Variants in BTBD10 observed in about 807,000 individuals in gnomAD.
BTBD10 encodes BTB/POZ domain-containing protein 10.
In BTBD10, 21 loss-of-function variants were observed where a neutral mutation model predicts 53.2. The ratio of observed to expected loss-of-function variants is 0.39; its 90% CI spans 0.28 to 0.57. The LOEUF (loss-of-function observed/expected upper bound fraction) is 0.57, where lower values mean the gene tolerates loss of function less well. Ranked by LOEUF, BTBD10 falls within the 20% of genes least tolerant of loss-of-function variation. The probability of loss-of-function intolerance (pLI) is 0.53; values close to 1 mark genes in which losing one functional copy is unlikely to be tolerated. For synonymous variants in BTBD10, 149 were observed against 192.7 expected, an observed-to-expected ratio of 0.77 and a Z score of 1.88; for missense variants, 360 against 594.7, an observed-to-expected ratio of 0.61 and a Z score of 4.10.
intron 2 of BTBD10, 58 bp from the exon 3 acceptor site, chr11:13,421,896 T>G: frequency 7.2e-7 from 1 of 1,396,734 alleles, no homozygotes; most frequent in Non-Finnish European, 9.6e-7. Flanking sequence ...TGGAAACATT[T>G]TAAAAGAAAC....
At chr11:13,438,972 T>C (rs1357484148) in intron 2 of BTBD10, among the ~76,000 whole-genome samples, 1 of 152,006 alleles carries the variant, frequency 6.6e-6, no homozygotes, top group Admixed American at 6.6e-5. Flanking sequence ...AACAGAACTA[T>C]ATAAATAAGT....
intron 2 of BTBD10, among the ~76,000 whole-genome samples, chr11:13,435,240 G>T (rs975868512): frequency 5.3e-5 from 8 of 152,012 alleles, no homozygotes; most frequent in African/African-American, 1.9e-4. Flanking sequence ...GGTTGCACAG[G>T]TTTATTGTGT....
At chr11:13,401,567 G>A (rs1042196988) in intron 8 of BTBD10, among the ~76,000 whole-genome samples, 1 of 152,174 alleles carries the variant, frequency 6.6e-6, no homozygotes, top group African/African-American at 2.4e-5. Context: ...TGTAGAGAAA[G>A]AGGAAGTAGA....
chr11:13,397,915 T>A (rs1449458781), intron 8 of BTBD10, among the ~76,000 whole-genome samples: 1 of 152,240 alleles, frequency 6.6e-6, no homozygotes, highest in African/African-American at 2.4e-5. Context: ...GACAGTTTGT[T>A]ATAATTTCTG....
At chr11:13,438,703 T>C (rs1006397374) in intron 2 of BTBD10, among the ~76,000 whole-genome samples, 1 of 151,998 alleles carries the variant, frequency 6.6e-6, no homozygotes, top group African/African-American at 2.4e-5. Context: ...TTTTTCTTTT[T>C]ATAATAGAAA....
chr11:13,412,285 C>G (rs1330832081), intron 6 of BTBD10, among the ~76,000 whole-genome samples: 1 of 152,088 alleles, frequency 6.6e-6, no homozygotes, highest in African/African-American at 2.4e-5. Context: ...GAAACCCTGT[C>G]TCTATTAAAA....
At chr11:13,418,730 A>C (rs1300063322) in intron 4 of BTBD10, among the ~76,000 whole-genome samples, 1 of 152,168 alleles carries the variant, frequency 6.6e-6, no homozygotes, top group African/African-American at 2.4e-5. Context: ...TTTTTATCTC[A>C]TGTAAACTTC....
rs371318668 is a variant in BTBD10 at position 13,438,530 on chromosome 11, A to G, written c.101+6494T>C. ...CTATGTAATCCTTTAAAATTATGCAATAGAAGATCACTTCATGACTAAAGG... is the reference window on the plus strand; with the variant it reads ...CTATGTAATCCTTTAAAATTATGCAGTAGAAGATCACTTCATGACTAAAGG... On this transcript the variant is annotated intron_variant, in intron 2 of 8. Coordinates refer to ENST00000278174, the MANE Select transcript of BTBD10 (RefSeq NM_032320.7). Among the ~76,000 whole-genome samples the G allele has an allele frequency of 3.5e-4, 53 of 152,148 alleles. 3 individuals carry two copies. In the South Asian group the frequency reaches 7.5e-3, roughly 21 times the overall value.
chr11:13,445,329 A>T, intron 1 of BTBD10, 148 bp from the exon 2 acceptor site: 1 of 401,994 alleles, frequency 2.5e-6, no homozygotes, highest in Non-Finnish European at 4.4e-6. Flanking sequence ...CACAAATCAA[A>T]TTAAAATAAA....
intron 1 of BTBD10, among the ~76,000 whole-genome samples, chr11:13,456,397 A>C (rs1490884817): frequency 6.6e-6 from 1 of 152,170 alleles, no homozygotes; most frequent in Non-Finnish European, 1.5e-5. Context: ...CATGAAACTG[A>C]ATTCGTACCT....
chr11:13,462,174 C>T (rs1054530879), intron 1 of BTBD10, among the ~76,000 whole-genome samples: 3 of 152,002 alleles, frequency 2.0e-5, no homozygotes, highest in African/African-American at 7.2e-5. Flanking sequence ...AACCCCCTCT[C>T]TAAAAGATTT....
At position 13,413,575 on chromosome 11, in the gene BTBD10, G is replaced by T; in HGVS notation, c.763C>A (p.Leu255Ile). ...GTGCTATATTCAAAAGAGATACAAAGATAGTCACATGCTTCTCTCAGTTCA... is the reference window on the plus strand; with the variant it reads ...GTGCTATATTCAAAAGAGATACAAATATAGTCACATGCTTCTCTCAGTTCA... ...IPELREACDY[L>I]CISFEYSTIK... The change falls in exon 6 of 9, where the codon CTT becomes ATT. Residue 255 changes from leucine (L) to isoleucine (I), a missense_variant. This residue lies in a region of BTBD10 where 91 missense variants were observed against 171.7 expected (regional missense o/e 0.53). Coordinates refer to ENST00000278174, the MANE Select transcript of BTBD10 (RefSeq NM_032320.7). The T allele has an allele frequency of 6.2e-7, 1 of 1,610,052 alleles. No homozygotes were observed.
At chr11:13,454,708 A>C (rs1183146994) in intron 1 of BTBD10, among the ~76,000 whole-genome samples, 1 of 151,838 alleles carries the variant, frequency 6.6e-6, no homozygotes, top group East Asian at 1.9e-4. Flanking sequence ...AAATAAATTA[A>C]ATAAAAATTT....
intron 8 of BTBD10, among the ~76,000 whole-genome samples, chr11:13,400,208 C>G (rs1445518855): frequency 6.6e-6 from 1 of 152,254 alleles, no homozygotes; most frequent in Non-Finnish European, 1.5e-5. Context: ...GTTCGAGCTT[C>G]CAGGCCGATT....
intron 2 of BTBD10, among the ~76,000 whole-genome samples, chr11:13,438,589 T>G (rs551088198): frequency 3.3e-5 from 5 of 151,880 alleles, no homozygotes; most frequent in African/African-American, 4.8e-5. Context: ...TTTTCAAGGA[T>G]AGGTTACATA....
intron 2 of BTBD10, among the ~76,000 whole-genome samples, chr11:13,438,508 T>C (rs1242894152): frequency 2.0e-5 from 3 of 152,166 alleles, no homozygotes; most frequent in African/African-American, 7.2e-5. Context: ...CAAAACACTA[T>C]GTAATCCTTT....
At chr11:13,417,885 A>G (rs747680058) in intron 4 of BTBD10, among the ~76,000 whole-genome samples, 36 of 152,226 alleles carry the variant, frequency 2.4e-4, no homozygotes, top group Admixed American at 8.5e-4. Flanking sequence ...ATAAATTTAA[A>G]AAGCTCTTAT....
chr11:13,445,824 AATG>A (rs1234552735), intron 1 of BTBD10, among the ~76,000 whole-genome samples: 1 of 152,184 alleles, frequency 6.6e-6, no homozygotes, highest in Non-Finnish European at 1.5e-5. Context: ...AGTCAAATGA[AATG>A]ATAAGGAAAC....
chr11:13,414,882 A>G (rs1356912472), intron 5 of BTBD10, among the ~76,000 whole-genome samples: 2 of 150,506 alleles, frequency 1.3e-5, no homozygotes, highest in African/African-American at 4.9e-5. Flanking sequence ...ACCTGTCTCA[A>G]GTTTTCCTGA....
Sources: allele counts gnomAD v4.1 joint callset (sites outside exome capture counted in the v4.1 genomes callset), GRCh38; gene constraint gnomAD v4.1.1; regional missense constraint gnomAD v4.1.1; transcripts MANE v1.5; gene names NCBI Gene and HGNC (gene_info 2026-07-23, HGNC 2026-07-21).